Variants in NALF1 observed in about 807,000 individuals in gnomAD.
NALF1 encodes the protein family with sequence similarity 155 member A.
In NALF1, 3 loss-of-function variants were observed where a neutral mutation model predicts 48.4. The observed-to-expected ratio is 0.06, with a 90% CI of 0.03 to 0.16. The LOEUF (loss-of-function observed/expected upper bound fraction) is 0.16, where lower values mean the gene tolerates loss of function less well. Ranked by LOEUF, NALF1 falls within the 10% of genes least tolerant of loss-of-function variation. NALF1 has a pLI of 1.00. For missense variants in NALF1, 526 were observed against 571.5 expected (o/e 0.92, Z 0.81); for synonymous variants, 262 against 245.7 (o/e 1.07, Z -0.62).
intron 1 of NALF1, among the ~76,000 whole-genome samples, chr13:107,517,760 G>T (rs1163033955): frequency 6.6e-6 from 1 of 152,102 alleles, no homozygotes; most frequent in African/African-American, 2.4e-5. Flanking sequence ...TTCGAGACCA[G>T]CCTGGCCAAT....
chr13:107,536,716 A>G (rs1876828981), intron 1 of NALF1, among the ~76,000 whole-genome samples: 1 of 152,186 alleles, frequency 6.6e-6, no homozygotes, highest in Non-Finnish European at 1.5e-5. Context: ...TGACCCAGCC[A>G]TCCCATTACT....
chr13:107,477,350 A>T (rs1251590944), intron 1 of NALF1, among the ~76,000 whole-genome samples: 6 of 152,130 alleles, frequency 3.9e-5, no homozygotes, highest in African/African-American at 1.4e-4. Flanking sequence ...TTTATAGAAC[A>T]AATGTTTATT....
chr13:107,192,730 G>C (rs746559363), intron 2 of NALF1, among the ~76,000 whole-genome samples: 1 of 152,162 alleles, frequency 6.6e-6, no homozygotes, highest in Non-Finnish European at 1.5e-5. Context: ...CCATCAGCCT[G>C]ACTGAACCCC....
intron 1 of NALF1, among the ~76,000 whole-genome samples, chr13:107,611,958 G>C (rs1262084436): frequency 6.9e-6 from 1 of 144,860 alleles, no homozygotes; most frequent in Non-Finnish European, 1.5e-5. Context: ...AGGAAGGAAG[G>C]CACGAAGAAG....
At chr13:107,335,594 T>C (rs182850981) in intron 1 of NALF1, among the ~76,000 whole-genome samples, 42 of 152,394 alleles carry the variant, frequency 2.8e-4, no homozygotes, top group African/African-American at 9.6e-4. Flanking sequence ...TTTTCATGGC[T>C]GTCTCAAAAT....
At chr13:107,244,287 T>C (rs1389112294) in intron 1 of NALF1, among the ~76,000 whole-genome samples, 1 of 152,214 alleles carries the variant, frequency 6.6e-6, no homozygotes, top group African/African-American at 2.4e-5. Context: ...CTGATGGTCT[T>C]ACATTCAATT....
At chr13:107,561,840 T>C (rs1877656563) in intron 1 of NALF1, among the ~76,000 whole-genome samples, 1 of 152,212 alleles carries the variant, frequency 6.6e-6, no homozygotes, top group South Asian at 2.1e-4. Flanking sequence ...TATTAACTTC[T>C]CAAAGGCAGA....
At chr13:107,728,700 A>G (rs1454519128) in intron 1 of NALF1, among the ~76,000 whole-genome samples, 4 of 150,520 alleles carry the variant, frequency 2.7e-5, no homozygotes, top group Non-Finnish European at 5.9e-5. Flanking sequence ...AAAGTAAAAT[A>G]AATAAATAAA....
intron 1 of NALF1, among the ~76,000 whole-genome samples, chr13:107,419,967 G>A (rs963444583): frequency 1.5e-4 from 23 of 152,146 alleles, no homozygotes; most frequent in Admixed American, 3.9e-4. Context: ...GACCAAGCTC[G>A]ATGGTACTTC....
At chr13:107,677,323 T>C (rs2138491501) in intron 1 of NALF1, among the ~76,000 whole-genome samples, 1 of 152,308 alleles carries the variant, frequency 6.6e-6, no homozygotes, top group African/African-American at 2.4e-5. Context: ...ATTACAGGCA[T>C]GAGCCACCGT....
At chr13:107,844,539 T>C (rs970074311) in intron 1 of NALF1, among the ~76,000 whole-genome samples, 1 of 152,150 alleles carries the variant, frequency 6.6e-6, no homozygotes, top group Non-Finnish European at 1.5e-5. Flanking sequence ...TGCTACAGAC[T>C]AGCTCTTCAC....
At chr13:107,675,455 A>C (rs1176122476) in intron 1 of NALF1, among the ~76,000 whole-genome samples, 1 of 152,216 alleles carries the variant, frequency 6.6e-6, no homozygotes, top group East Asian at 1.9e-4. Context: ...ATCTGTTAAA[A>C]ATGTTAAACC....
chr13:107,575,574 C>T (rs1428561359), intron 1 of NALF1, among the ~76,000 whole-genome samples: 1 of 152,144 alleles, frequency 6.6e-6, no homozygotes, highest in African/African-American at 2.4e-5. Context: ...ATATAAACAA[C>T]TTGCCCTCGT....
At chr13:107,405,920 A>T (rs1003810523) in intron 1 of NALF1, among the ~76,000 whole-genome samples, 13 of 152,078 alleles carry the variant, frequency 8.5e-5, no homozygotes, top group Non-Finnish European at 1.5e-5. Flanking sequence ...AAATTCAGCC[A>T]ATATAATTAC....
chr13:107,467,304 C>T (rs569831912), intron 1 of NALF1, among the ~76,000 whole-genome samples: 2 of 91,378 alleles, frequency 2.2e-5, no homozygotes, highest in South Asian at 7.7e-4. Context: ...GATTTTGGCA[C>T]CTAAAATAGA....
In NALF1 at chr13:107,867,151, C is replaced by G. The variant is rs930299746; in HGVS notation, c.-555G>C. On this transcript the variant is annotated 5_prime_UTR_variant, in exon 1 of 3. Coordinates refer to ENST00000375915, the MANE Select transcript of NALF1 (RefSeq NM_001080396.3). This position sits in a 1 kb window ranked among gnomAD's most constrained non-coding sequence, Gnocchi z 4.4. ...TCCTCCTCCTCCTCCTCCTCTTCTT[C>G]TCCTCCTCTTCCTCCTCCTTCCTTT... Among the ~76,000 whole-genome samples, 10 of 151,838 alleles carry G rather than the reference C, an allele frequency of 6.6e-5. No individual in the cohort carries two copies. The highest frequency in any genetic ancestry group is 3.4e-3 in the Middle Eastern group (1 of 290).
intron 1 of NALF1, among the ~76,000 whole-genome samples, chr13:107,825,710 C>T (rs765736671): frequency 2.6e-5 from 4 of 152,212 alleles, no homozygotes; most frequent in Non-Finnish European, 5.9e-5. Flanking sequence ...ACTTCATAAA[C>T]CTTTTAATAA....
intron 1 of NALF1, among the ~76,000 whole-genome samples, chr13:107,351,449 T>C (rs1437992062): frequency 6.6e-6 from 1 of 152,214 alleles, no homozygotes; most frequent in Non-Finnish European, 1.5e-5. Context: ...ACGCATCTCC[T>C]GCTTTGATAA....
chr13:107,329,846 A>G lies in NALF1; in HGVS notation c.916-119091T>C, dbSNP rs1171697497. Among the ~76,000 whole-genome samples, 9 of 152,068 alleles carry G rather than the reference A, an allele frequency of 5.9e-5. No individual in the cohort carries two copies. In the East Asian group the frequency reaches 1.7e-3, roughly 29 times the overall value. ...AAAAGACATGAACTCATCATTTTTT[A>G]TGGCTGCATAGCTACTTTTCCAGAG... On this transcript the variant is annotated intron_variant, in intron 1 of 2. Coordinates refer to ENST00000375915, the MANE Select transcript of NALF1 (RefSeq NM_001080396.3).
Sources: allele counts gnomAD v4.1 joint callset (sites outside exome capture counted in the v4.1 genomes callset), GRCh38; gene constraint gnomAD v4.1.1; non-coding constraint Gnocchi (gnomAD v3.1); transcripts MANE v1.5; gene names NCBI Gene and HGNC (gene_info 2026-07-23, HGNC 2026-07-21).